The following PARD3B variants were observed in gnomAD, a reference collection of about 807,000 sequenced individuals.
PARD3B encodes the protein partitioning defective 3 homolog B.
A neutral mutation model predicts 130.2 loss-of-function variants in PARD3B; 103 were observed. That is an observed-to-expected ratio of 0.79 (90% confidence interval 0.67 to 0.93). PARD3B has a LOEUF of 0.93. Among genes scored for constraint, PARD3B ranks in the 40% least tolerant of loss-of-function variants. The pLI, the probability that PARD3B is intolerant of heterozygous loss-of-function variation, is 0.00. For missense variants in PARD3B, 1,609 were observed against 1,499.2 expected (o/e 1.07, Z -1.21); for synonymous variants, 583 against 553.2 (o/e 1.05, Z -0.76).
In PARD3B at chr2:204,928,411, A is replaced by T. The variant is rs535956737; in HGVS notation, c.223-36741A>T. Among the ~76,000 whole-genome samples, 115 of 152,268 alleles carry T rather than the reference A, an allele frequency of 7.6e-4. 1 individual carries two copies. The Middle Eastern group carries it at 0.02, about 27-fold the overall frequency. On this transcript the variant is annotated intron_variant, in intron 2 of 22. Coordinates refer to ENST00000406610, the MANE Select transcript of PARD3B (RefSeq NM_001302769.2). ...AATACACTCTGCTTTTGATGAAAGG[A>T]GTTTCAAAATTCCATTGCAAAGGGA...
intron 18 of PARD3B, among the ~76,000 whole-genome samples, chr2:205,386,355 C>T (rs557432285): frequency 6.6e-6 from 1 of 152,238 alleles, no homozygotes; most frequent in Non-Finnish European, 1.5e-5. Flanking sequence ...GGGAGCCAAC[C>T]CATGACCTTG....
Position 205,244,531 on chromosome 2 carries a change from A to T in PARD3B, c.2141-1247A>T. On this transcript the variant is annotated intron_variant, in intron 15 of 22. Coordinates refer to ENST00000406610, the MANE Select transcript of PARD3B (RefSeq NM_001302769.2). The surrounding 1 kb of genome is among the most constrained non-coding windows in gnomAD (Gnocchi z 4.7). Reference sequence around the variant, plus strand: ...AGTATCTGGGTAACACTAGCCTCATAGAGTGGCTTGGGAAATCCTCTCTCT... The same window carrying T: ...AGTATCTGGGTAACACTAGCCTCATTGAGTGGCTTGGGAAATCCTCTCTCT... Among the ~76,000 whole-genome samples, 1 of 152,226 alleles carries T rather than the reference A, an allele frequency of 6.6e-6. No homozygotes were observed. The highest frequency in any genetic ancestry group is 1.9e-4 in the East Asian group (1 of 5,196).
At position 205,350,268 on chromosome 2, in the gene PARD3B, A is replaced by G. The variant is rs190003994; in HGVS notation, c.2630+48567A>G. ...ATTATGAGGAGATGAATTGGATTCA[A>G]GGTACTCAATCTTATTGCCAATCTT... is the stretch of plus-strand genomic sequence containing the variant. On this transcript the variant is annotated intron_variant, in intron 18 of 22. Transcript: ENST00000406610. 1.3e-4 allele frequency among the ~76,000 whole-genome samples: 20 copies of G among 152,356 alleles called. No individual in the cohort carries two copies. In the East Asian group the frequency reaches 2.1e-3, roughly 16 times the overall value.
rs776636406 is a variant in PARD3B at position 205,539,446 on chromosome 2, AG to A, written c.3181-13876del. ...AGTTTGAAAATCGGTTTAACCTTTT[AG>A]GTATCATCCTCTAGAGCAGGTATGT... On this transcript the variant is annotated intron_variant, in intron 21 of 22. Coordinates refer to ENST00000406610, the MANE Select transcript of PARD3B (RefSeq NM_001302769.2). Among the ~76,000 whole-genome samples the A allele has an allele frequency of 1.1e-4, 16 of 152,280 alleles. 1 individual carries two copies. Among genetic ancestry groups the A allele is most frequent in the Non-Finnish European group, 1.5e-4 (10 of 68,024 alleles).
intron 1 of PARD3B, among the ~76,000 whole-genome samples, chr2:204,645,403 AAAATT>A (rs1212186207): frequency 6.6e-6 from 1 of 152,198 alleles, no homozygotes; most frequent in Non-Finnish European, 1.5e-5. Context: ...ATTCAAGAGA[AAAATT>A]AATACATTTT....
intron 4 of PARD3B, among the ~76,000 whole-genome samples, chr2:205,068,260 C>T (rs1433774883): frequency 1.3e-5 from 2 of 152,056 alleles, no homozygotes; most frequent in Non-Finnish European, 2.9e-5. Flanking sequence ...TTAAAATGTC[C>T]AGAAATTTAT....
chr2:205,378,434 G>A (rs559708228), intron 18 of PARD3B, among the ~76,000 whole-genome samples: 2 of 152,108 alleles, frequency 1.3e-5, no homozygotes, highest in Non-Finnish European at 2.9e-5. Flanking sequence ...AAAGTTTCAA[G>A]TAAGTGTCAT....
At chr2:204,834,310 A>T (rs2125574250) in intron 2 of PARD3B, among the ~76,000 whole-genome samples, 1 of 152,310 alleles carries the variant, frequency 6.6e-6, no homozygotes, top group South Asian at 2.1e-4. Context: ...CAGAATACAG[A>T]CTCAATACAT....
chr2:204,885,627 A>G (rs2046244917), intron 2 of PARD3B, among the ~76,000 whole-genome samples: 1 of 152,226 alleles, frequency 6.6e-6, no homozygotes, highest in Non-Finnish European at 1.5e-5. Context: ...AACTTTATTC[A>G]AGATCTGTGC....
At chr2:204,923,157 C>T (rs1208893908) in intron 2 of PARD3B, among the ~76,000 whole-genome samples, 2 of 151,958 alleles carry the variant, frequency 1.3e-5, no homozygotes, top group Non-Finnish European at 2.9e-5. Flanking sequence ...ATATCAAGTG[C>T]TGAGACGAGA....
At chr2:204,805,156 G>T (rs886074893) in intron 2 of PARD3B, among the ~76,000 whole-genome samples, 2 of 151,982 alleles carry the variant, frequency 1.3e-5, no homozygotes, top group Admixed American at 1.3e-4. Context: ...TTGGTTTTTT[G>T]AAAAGATAAA....
In PARD3B at chr2:205,480,467, G is replaced by A. The variant is rs537664655; in HGVS notation, c.3045-19429G>A. Among the ~76,000 whole-genome samples the A allele has an allele frequency of 3.9e-5, 6 of 152,298 alleles. No individual in the cohort carries two copies. In the East Asian group the frequency reaches 7.7e-4, roughly 20 times the overall value. On this transcript the variant is annotated intron_variant, in intron 20 of 22. Transcript: ENST00000406610. ...TTGATATTTCTCTTCATTGGTTTGTGTATTGTTTCATCCCCATCCTCACCA... is the reference window on the plus strand; with the variant it reads ...TTGATATTTCTCTTCATTGGTTTGTATATTGTTTCATCCCCATCCTCACCA...
intron 2 of PARD3B, among the ~76,000 whole-genome samples, chr2:204,798,769 C>T (rs1275448898): frequency 6.6e-6 from 1 of 152,042 alleles, no homozygotes; most frequent in East Asian, 1.9e-4. Flanking sequence ...GGTGACATTT[C>T]TAAACACACC....
At chr2:204,917,136 C>A (rs763868062) in intron 2 of PARD3B, among the ~76,000 whole-genome samples, 13 of 152,078 alleles carry the variant, frequency 8.5e-5, no homozygotes, top group Non-Finnish European at 1.9e-4. Context: ...AAATAATCAT[C>A]AGGGAAGATT....
rs968884929 is a variant in PARD3B at position 205,405,018 on chromosome 2, T to G, written c.2741+3895T>G. On this transcript the variant is annotated intron_variant, in intron 19 of 22. Transcript: ENST00000406610. The surrounding 1 kb of genome is among the most constrained non-coding windows in gnomAD (Gnocchi z 4.1). The stretch of plus-strand genomic sequence containing the variant: ...ATTCATCTAATTTTTTTGTGCTGAT[T>G]TTCATATCTCATTTTAAGTTATCTA... Among the ~76,000 whole-genome samples, 1 of 152,204 alleles carries G rather than the reference T, an allele frequency of 6.6e-6. No homozygotes were observed. The highest frequency in any genetic ancestry group is 1.5e-5 in the Non-Finnish European group (1 of 68,034).
chr2:205,364,497 G>A (rs1003526370), intron 18 of PARD3B, among the ~76,000 whole-genome samples: 1 of 152,202 alleles, frequency 6.6e-6, no homozygotes, highest in Admixed American at 6.5e-5. Flanking sequence ...AGCAAGGTTG[G>A]CCTGGGCTGG....
At chr2:204,591,185 T>C (rs543952071) in intron 1 of PARD3B, among the ~76,000 whole-genome samples, 1 of 152,342 alleles carries the variant, frequency 6.6e-6, no homozygotes, top group Admixed American at 6.5e-5. Context: ...AATTTATCCT[T>C]GTAAATAAAA....
At chr2:204,923,832 A>G (rs998390716) in intron 2 of PARD3B, among the ~76,000 whole-genome samples, 1 of 152,056 alleles carries the variant, frequency 6.6e-6, no homozygotes, top group Non-Finnish European at 1.5e-5. Context: ...TTATACACAG[A>G]GGTGATTGTG....
chr2:205,564,634 T>C lies in PARD3B; in HGVS notation c.3260+11231T>C, dbSNP rs980269997. 6.6e-6 allele frequency among the ~76,000 whole-genome samples: 1 copy of C among 152,214 alleles called. No individual in the cohort carries two copies. The highest frequency in any genetic ancestry group is 2.4e-5 in the African/African-American group (1 of 41,462). On this transcript the variant is annotated intron_variant, in intron 22 of 22. Coordinates refer to ENST00000406610, the MANE Select transcript of PARD3B (RefSeq NM_001302769.2). This position sits in a 1 kb window ranked among gnomAD's most constrained non-coding sequence, Gnocchi z 4.6. ...ACAACTGCGGAAGCATCGCTTCTAC[T>C]GACTCTGCTGCTTCAAGTCCAGAGA...
Sources: gnomAD v4.1 joint callset for allele counts (sites outside exome capture counted in the v4.1 genomes callset) on GRCh38, gnomAD v4.1.1 for gene constraint, Gnocchi (gnomAD v3.1) non-coding constraint, MANE v1.5 for transcripts, NCBI Gene and HGNC (gene_info 2026-07-23, HGNC 2026-07-21) for gene names.